Variants in DOCK4 observed in about 807,000 individuals in gnomAD.
DOCK4 encodes dedicator of cytokinesis 4, also known as dedicator of cytokinesis protein 4.
Under a neutral mutation model 268.1 loss-of-function variants are expected in DOCK4, and 97 were observed. The observed-to-expected ratio is 0.36, with a 90% confidence interval of 0.31 to 0.43. DOCK4 has a LOEUF of 0.43. Ranked by LOEUF, DOCK4 falls within the 20% of genes least tolerant of loss-of-function variation. DOCK4 has a pLI of 1.00. For synonymous variants in DOCK4, 954 were observed against 887.2 expected, an observed-to-expected ratio of 1.08 and a Z score of -1.34; for missense variants, 2,145 against 2,455.7, an observed-to-expected ratio of 0.87 and a Z score of 2.67.
chr7:111,952,650 G>T (rs570573921), intron 8 of DOCK4, among the ~76,000 whole-genome samples: 2 of 152,148 alleles, frequency 1.3e-5, no homozygotes, highest in Admixed American at 6.5e-5. Context: ...AATATCTTCG[G>T]TTGAAACATG....
At chr7:112,020,276 A>T (rs185886509) in intron 1 of DOCK4, among the ~76,000 whole-genome samples, 6 of 152,266 alleles carry the variant, frequency 3.9e-5, no homozygotes, top group Admixed American at 3.9e-4. Context: ...GTTTTCCAAA[A>T]TCTAGTTGGG....
chr7:111,845,901 A>G (rs1229713875), intron 24 of DOCK4, among the ~76,000 whole-genome samples: 1 of 152,142 alleles, frequency 6.6e-6, no homozygotes, highest in Non-Finnish European at 1.5e-5. Context: ...GTTATTCTTT[A>G]TATAATTTTA....
intron 30 of DOCK4, among the ~76,000 whole-genome samples, chr7:111,805,543 G>T (rs551801693): frequency 1.8e-4 from 27 of 152,138 alleles, no homozygotes; most frequent in Non-Finnish European, 3.2e-4. Flanking sequence ...GCAGTTCTAG[G>T]TCTCATAGGG....
chr7:111,972,843 A>G (rs936803367), intron 8 of DOCK4, among the ~76,000 whole-genome samples: 5 of 151,170 alleles, frequency 3.3e-5, no homozygotes, highest in Non-Finnish European at 5.9e-5. Flanking sequence ...AATTTTTTAC[A>G]TGAAGAAGTT....
At chr7:111,886,635 A>G (rs1562846087) in intron 16 of DOCK4, among the ~76,000 whole-genome samples, 1 of 152,128 alleles carries the variant, frequency 6.6e-6, no homozygotes, top group Admixed American at 6.5e-5. Flanking sequence ...GGAAGAAACA[A>G]TACACTTAAA....
chr7:112,170,874 A>T (rs183266617), intron 1 of DOCK4, among the ~76,000 whole-genome samples: 4 of 152,112 alleles, frequency 2.6e-5, no homozygotes, highest in Admixed American at 6.5e-5. Flanking sequence ...CATATATGAT[A>T]AAAAAAATTG....
At chr7:112,101,845 C>CTTTTT (rs72188849) in intron 1 of DOCK4, among the ~76,000 whole-genome samples, 3 of 146,314 alleles carry the variant, frequency 2.1e-5, no homozygotes, top group South Asian at 2.2e-4. Flanking sequence ...TTTTCTTTTT[C>CTTTTT]TTTTTTTTTT....
At chr7:111,796,558 T>A (rs1436058184) in intron 30 of DOCK4, among the ~76,000 whole-genome samples, 6 of 152,228 alleles carry the variant, frequency 3.9e-5, no homozygotes, top group Non-Finnish European at 8.8e-5. Context: ...GGCCATTTGG[T>A]TTCTACGTTC....
chr7:111,869,198 TA>T (rs1806221444), intron 21 of DOCK4, among the ~76,000 whole-genome samples: 1 of 152,156 alleles, frequency 6.6e-6, no homozygotes, highest in African/African-American at 2.4e-5. Context: ...TCTTAAAATT[TA>T]ACATAAATGG....
intron 12 of DOCK4, among the ~76,000 whole-genome samples, chr7:111,928,622 C>G (rs1478773090): frequency 1.4e-5 from 2 of 145,188 alleles, no homozygotes; most frequent in East Asian, 4.0e-4. Flanking sequence ...GAGTCTCGCT[C>G]TGTCACCTAG....
Position 111,783,027 on chromosome 7 carries a change from A to AG in DOCK4, c.3525-104_3525-103insC, listed in dbSNP as rs1357037589. On this transcript the variant is annotated intron_variant, in intron 34 of 52. Coordinates refer to ENST00000428084, the MANE Select transcript of DOCK4 (RefSeq NM_001363540.2). ...AAAAGAAAGAAAGAAAGAAAAAAAA[A>AG]AAAAAAGAAGCCACTTTTAGGGACC... 3 of 1,169,680 alleles carry AG rather than the reference A, an allele frequency of 2.6e-6. No homozygotes were observed. The African/African-American group carries it at 4.7e-5, about 18-fold the overall frequency. The allele number at this position is 1,169,680 out of a possible 1,614,324, so 72.5% of individuals were successfully genotyped here. A position where few individuals can be genotyped will look rare whatever the true frequency, so the allele number is the denominator to read the frequency against.
intron 1 of DOCK4, among the ~76,000 whole-genome samples, chr7:112,158,131 G>A (rs764042163): frequency 3.3e-5 from 5 of 152,150 alleles, no homozygotes; most frequent in Admixed American, 1.3e-4. Context: ...GAATCACTTA[G>A]GAGAACCTGT....
intron 1 of DOCK4, among the ~76,000 whole-genome samples, chr7:112,097,814 C>A (rs1810290953): frequency 1.3e-5 from 2 of 152,122 alleles, no homozygotes; most frequent in African/African-American, 4.8e-5. Flanking sequence ...GCCAGAATGT[C>A]AAAGTAAATC....
chr7:112,128,438 C>G (rs865982864), intron 1 of DOCK4, among the ~76,000 whole-genome samples: 1 of 151,998 alleles, frequency 6.6e-6, no homozygotes, highest in African/African-American at 2.4e-5. Flanking sequence ...TCATTGAGAA[C>G]GGGCCAGGAT....
At chr7:112,127,572 A>C (rs1448634380) in intron 1 of DOCK4, among the ~76,000 whole-genome samples, 1 of 152,140 alleles carries the variant, frequency 6.6e-6, no homozygotes, top group Non-Finnish European at 1.5e-5. Flanking sequence ...ATAATAAAAA[A>C]AAACTTCTTT....
At chr7:111,999,034 C>T (rs1800205671) in intron 3 of DOCK4, among the ~76,000 whole-genome samples, 1 of 152,048 alleles carries the variant, frequency 6.6e-6, no homozygotes, top group Admixed American at 6.6e-5. Flanking sequence ...TGCTGCCATT[C>T]TGATGGAACA....
intron 1 of DOCK4, among the ~76,000 whole-genome samples, chr7:112,150,268 A>G (rs769889232): frequency 4.6e-5 from 7 of 152,076 alleles, no homozygotes; most frequent in Non-Finnish European, 1.0e-4. Context: ...GTAAATGTAT[A>G]CTGTCTTATC....
chr7:112,186,498 C>T (rs1383436409), intron 1 of DOCK4, among the ~76,000 whole-genome samples: 1 of 152,168 alleles, frequency 6.6e-6, no homozygotes, highest in African/African-American at 2.4e-5. Flanking sequence ...ATGTAGTTGT[C>T]ATGAGCACGG....
At chr7:112,152,032 T>C (rs1310088400) in intron 1 of DOCK4, among the ~76,000 whole-genome samples, 1 of 151,912 alleles carries the variant, frequency 6.6e-6, no homozygotes, top group African/African-American at 2.4e-5. Context: ...TAGTTGCATT[T>C]GAGACAGAGG....
Sources: allele counts gnomAD v4.1 joint callset (sites outside exome capture counted in the v4.1 genomes callset), GRCh38; gene constraint gnomAD v4.1.1; transcripts MANE v1.5; gene names NCBI Gene and HGNC (gene_info 2026-07-23, HGNC 2026-07-21).